The following ARHGEF38 variants were observed in gnomAD, a reference collection of about 807,000 sequenced individuals.
The protein encoded by ARHGEF38 is Rho guanine nucleotide exchange factor 38, also known as Rho guanine nucleotide exchange factor (GEF) 38.
A neutral mutation model predicts 79.9 loss-of-function variants in ARHGEF38; 79 were observed. The ratio of observed to expected loss-of-function variants is 0.99; its 90% CI spans 0.82 to 1.19. The LOEUF (loss-of-function observed/expected upper bound fraction) is 1.19. Ranked by LOEUF, ARHGEF38 falls within the 50% of genes most tolerant of loss-of-function variation. ARHGEF38 has a pLI of 0.00. For synonymous variants in ARHGEF38, 366 were observed against 328.3 expected (o/e 1.11, Z -1.24); for missense variants, 962 against 907.2 (o/e 1.06, Z -0.78).
chr4:105,577,814 C>T (rs1042813132), intron 1 of ARHGEF38, among the ~76,000 whole-genome samples: 3 of 152,038 alleles, frequency 2.0e-5, no homozygotes, highest in African/African-American at 7.2e-5. Flanking sequence ...TTTGAATCTT[C>T]TCTCTTTTCT....
chr4:105,681,108 C>T (rs935017313), downstream of ARHGEF38: 4 of 151,860 alleles, frequency 2.6e-5, no homozygotes, highest in African/African-American at 9.7e-5. Flanking sequence ...ATCTGTTTCT[C>T]AAAGCAAAAG....
intron 10 of ARHGEF38, among the ~76,000 whole-genome samples, chr4:105,664,181 T>C (rs949647895): frequency 2.0e-5 from 3 of 152,236 alleles, no homozygotes; most frequent in Admixed American, 6.5e-5. Flanking sequence ...CTGAATCATA[T>C]GGTAACTCTA....
intron 1 of ARHGEF38, among the ~76,000 whole-genome samples, chr4:105,583,365 A>G (rs1726885607): frequency 6.6e-6 from 1 of 152,086 alleles, no homozygotes; most frequent in African/African-American, 2.4e-5. Context: ...CTGTCCACCA[A>G]ATCTCTTATC....
chr4:105,593,593 T>C (rs1332258172), intron 2 of ARHGEF38, among the ~76,000 whole-genome samples: 2 of 152,158 alleles, frequency 1.3e-5, no homozygotes, highest in African/African-American at 2.4e-5. Context: ...GAAAAGTCTT[T>C]CTTTGAATTC....
intron 3 of ARHGEF38, among the ~76,000 whole-genome samples, chr4:105,625,462 C>G (rs138336040): frequency 6.6e-6 from 1 of 152,174 alleles, no homozygotes; most frequent in Admixed American, 6.5e-5. Context: ...TAGAGCTGTA[C>G]GGCAGCTCTG....
chr4:105,631,979 G>A (rs1462925324), intron 4 of ARHGEF38, among the ~76,000 whole-genome samples: 1 of 152,152 alleles, frequency 6.6e-6, no homozygotes, highest in Non-Finnish European at 1.5e-5. Context: ...GTCTGATCCT[G>A]TAGCACACCT....
At chr4:105,658,379 G>A (rs1056854970) in intron 9 of ARHGEF38, among the ~76,000 whole-genome samples, 2 of 152,080 alleles carry the variant, frequency 1.3e-5, no homozygotes, top group African/African-American at 2.4e-5. Context: ...CAGCCTGGGC[G>A]ACAGAGTGAG....
intron 1 of ARHGEF38, among the ~76,000 whole-genome samples, chr4:105,581,098 T>C (rs1578275156): frequency 1.3e-5 from 2 of 152,152 alleles, no homozygotes; most frequent in Admixed American, 6.6e-5. Flanking sequence ...GCAGGAGTAG[T>C]TGGAGGCCAA....
rs1046469820 is a variant in ARHGEF38, at chr4:105,556,920, T to C, written c.196+3959T>C. ...GTACAGAATTTATATAATAAGTAATTCTTAGTGGAAGCCTGTTTCATTCCC... is the reference window on the plus strand; with the variant it reads ...GTACAGAATTTATATAATAAGTAATCCTTAGTGGAAGCCTGTTTCATTCCC... On this transcript the variant is annotated intron_variant, in intron 1 of 13. Coordinates refer to ENST00000420470, the MANE Select transcript of ARHGEF38 (RefSeq NM_001242729.2). Among the ~76,000 whole-genome samples, 4 of 152,158 alleles carry C rather than the reference T, an allele frequency of 2.6e-5. No homozygotes were observed. The South Asian group carries it at 6.2e-4, about 24-fold the overall frequency.
intron 3 of ARHGEF38, among the ~76,000 whole-genome samples, chr4:105,626,321 C>T (rs907266926): frequency 1.3e-5 from 2 of 152,160 alleles, no homozygotes; most frequent in African/African-American, 4.8e-5. Context: ...TTCCTTTCCT[C>T]TGCATCCTCC....
intron 3 of ARHGEF38, among the ~76,000 whole-genome samples, chr4:105,620,649 A>G (rs1165965436): frequency 6.6e-6 from 1 of 152,198 alleles, no homozygotes; most frequent in Non-Finnish European, 1.5e-5. Context: ...GATGCTTCCA[A>G]TATCTATGCA....
At chr4:105,553,127 G>GA (rs372233047) in intron 1 of ARHGEF38, among the ~76,000 whole-genome samples, 166 bp downstream of exon 1, 148 of 151,792 alleles carry the variant, frequency 9.8e-4, no homozygotes, top group African/African-American at 3.5e-3. Flanking sequence ...AAATTATAGG[G>GA]AAAAAAATTT....
chr4:105,564,314 C>T lies in ARHGEF38; in HGVS notation c.196+11353C>T, dbSNP rs116674423. On this transcript the variant is annotated intron_variant, in intron 1 of 13. Coordinates refer to ENST00000420470, the MANE Select transcript of ARHGEF38 (RefSeq NM_001242729.2). ...TATACACAGAACAGTTTAACTGACA[C>T]AATAAAAACATTTGCAGTAAAATTC... Among the ~76,000 whole-genome samples, 1,225 of 152,186 alleles carry T rather than the reference C, an allele frequency of 8.0e-3. 17 individuals are homozygous for T. Among genetic ancestry groups the T allele is most frequent in the African/African-American group, 0.028 (1,164 of 41,520 alleles).
At chr4:105,622,128 G>A (rs868172441) in intron 3 of ARHGEF38, among the ~76,000 whole-genome samples, 1 of 152,060 alleles carries the variant, frequency 6.6e-6, no homozygotes, top group Non-Finnish European at 1.5e-5. Context: ...ATAAAATAAA[G>A]GTGGCTTAGT....
intron 7 of ARHGEF38, among the ~76,000 whole-genome samples, chr4:105,651,528 A>G (rs1251748022): frequency 1.3e-5 from 2 of 152,198 alleles, no homozygotes; most frequent in African/African-American, 2.4e-5. Context: ...TCCTGATCCT[A>G]CTATACCGTG....
intron 3 of ARHGEF38, among the ~76,000 whole-genome samples, chr4:105,625,978 T>C (rs1728930110): frequency 6.6e-6 from 1 of 152,190 alleles, no homozygotes; most frequent in South Asian, 2.1e-4. Context: ...TTTGCCACCA[T>C]CTGGTCCTCA....
chr4:105,616,460 G>A (rs1728512555), intron 3 of ARHGEF38, among the ~76,000 whole-genome samples: 1 of 152,120 alleles, frequency 6.6e-6, no homozygotes, highest in South Asian at 2.1e-4. Context: ...GCAGGAGAGA[G>A]AGAGCACGCC....
intron 1 of ARHGEF38, among the ~76,000 whole-genome samples, chr4:105,583,694 A>G (rs978979280): frequency 1.4e-4 from 21 of 152,222 alleles, no homozygotes; most frequent in African/African-American, 4.8e-4. Context: ...CTAGAAGTAA[A>G]GTTCCATAAG....
intron 5 of ARHGEF38, among the ~76,000 whole-genome samples, chr4:105,638,190 T>C (rs976799899): frequency 6.6e-6 from 1 of 152,168 alleles, no homozygotes; most frequent in Non-Finnish European, 1.5e-5. Context: ...AATCCCTCAC[T>C]TATGGCAATC....
Sources: allele counts gnomAD v4.1 joint callset (sites outside exome capture counted in the v4.1 genomes callset), GRCh38; gene constraint gnomAD v4.1.1; transcripts MANE v1.5; gene names NCBI Gene and HGNC (gene_info 2026-07-23, HGNC 2026-07-21).